ASTN1: variants seen among roughly 807,000 people sequenced by gnomAD.
ASTN1 encodes the protein astrotactin-1.
In ASTN1, 41 loss-of-function variants were observed where a neutral mutation model predicts 140.7. That is an observed-to-expected ratio of 0.29 (90% CI 0.23 to 0.38). The LOEUF (loss-of-function observed/expected upper bound fraction) is 0.38, where lower values mean the gene tolerates loss of function less well. Among genes scored for constraint, ASTN1 ranks in the 10% least tolerant of loss-of-function variants. The pLI, the probability that ASTN1 is intolerant of heterozygous loss-of-function variation, is 1.00. For synonymous variants in ASTN1, 640 were observed against 652.2 expected (o/e 0.98, Z 0.29); for missense variants, 1,479 against 1,678.8 (o/e 0.88, Z 2.08).
At position 176,876,540 on chromosome 1, in the gene ASTN1, G is replaced by C; in HGVS notation, c.3460C>G (p.Gln1154Glu). Reference sequence around the variant, plus strand: ...TGCTAACTTCGATGTCTCTTACCTTGAGCCTTGACATCATCCACCACGGGG... The same window carrying C: ...TGCTAACTTCGATGTCTCTTACCTTCAGCCTTGACATCATCCACCACGGGG... Reference protein sequence around the residue: ...PCPVVDDVKAQEIADKIYNLF... With the variant: ...PCPVVDDVKAEEIADKIYNLF... The change falls in exon 21 of 23, where the codon CAA (glutamine) becomes GAA (glutamate). Residue 1154 changes from glutamine (Q) to glutamate (E), a missense_variant. Physicochemically the swap from Gln to Glu is conservative, Grantham distance 29. Around this residue, in one of 3 missense-constraint regions of ASTN1, gnomAD observed 746 missense variants for 800.9 expected, o/e 0.93. Transcript: ENST00000361833. 1 of 1,614,146 alleles carries C rather than the reference G, an allele frequency of 6.2e-7. No homozygotes were observed. Among genetic ancestry groups the C allele is most frequent in the South Asian group, 1.1e-5 (1 of 91,086 alleles).
chr1:177,038,880 A>G (rs1676850295), intron 2 of ASTN1, among the ~76,000 whole-genome samples: 2 of 152,234 alleles, frequency 1.3e-5, no homozygotes. Flanking sequence ...CTGGCCCATC[A>G]TTACTTCTCT....
chr1:177,086,706 TTATA>T (rs1161641925), intron 1 of ASTN1, among the ~76,000 whole-genome samples: 1 of 152,182 alleles, frequency 6.6e-6, no homozygotes, highest in African/African-American at 2.4e-5. Context: ...TAAAAAGAAA[TTATA>T]TATGCATAGA....
intron 14 of ASTN1, among the ~76,000 whole-genome samples, chr1:176,939,277 C>T (rs886390011): frequency 2.0e-5 from 3 of 152,096 alleles, no homozygotes; most frequent in Admixed American, 6.5e-5. Context: ...ATAACTTCCT[C>T]GGCTTTTAAG....
In ASTN1 at chr1:177,148,124, T is replaced by A. The variant is rs145272501; in HGVS notation, c.283+16270A>T. ...CTTTTTGTTGAATTTTGTCTTACAA[T>A]CGAAAATTTTCAGGCCGGGTGTGGT... On this transcript the variant is annotated intron_variant, in intron 1 of 22. Transcript: ENST00000361833. Among the ~76,000 whole-genome samples the A allele has an allele frequency of 3.0e-3, 455 of 152,202 alleles. 2 individuals carry two copies. The highest frequency in any genetic ancestry group is 0.011 in the African/African-American group (438 of 41,548).
chr1:177,136,434 C>A (rs957161627), intron 1 of ASTN1, among the ~76,000 whole-genome samples: 1 of 151,268 alleles, frequency 6.6e-6, no homozygotes, highest in Non-Finnish European at 1.5e-5. Context: ...CTCACCGCAA[C>A]TTCCACCTCC....
intron 1 of ASTN1, among the ~76,000 whole-genome samples, chr1:177,071,976 C>A (rs143652432): frequency 1.3e-3 from 193 of 152,268 alleles, no homozygotes; most frequent in African/African-American, 4.5e-3. Flanking sequence ...TCTCTTCATT[C>A]ATCATTTCTG....
intron 8 of ASTN1, among the ~76,000 whole-genome samples, chr1:176,985,755 C>T (rs560546382): frequency 2.1e-3 from 320 of 151,710 alleles, no homozygotes; most frequent in African/African-American, 7.4e-3. Flanking sequence ...GGTATTGAAC[C>T]CTGTTCTCCA....
intron 16 of ASTN1, among the ~76,000 whole-genome samples, chr1:176,917,773 C>T (rs1016805651): frequency 6.6e-6 from 1 of 152,130 alleles, no homozygotes; most frequent in Admixed American, 6.5e-5. Flanking sequence ...ACAGCACACT[C>T]ACCTTGGAGA....
chr1:177,138,633 G>A (rs1353934778), intron 1 of ASTN1, among the ~76,000 whole-genome samples: 1 of 152,138 alleles, frequency 6.6e-6, no homozygotes, highest in Non-Finnish European at 1.5e-5. Flanking sequence ...TAATGTACCC[G>A]GACAGCTCTG....
At position 176,994,369 on chromosome 1, in the gene ASTN1, C is replaced by CT. The variant is rs34481279; in HGVS notation, c.1523+20421dup. ...TCACTCTTGCTGACTTGGAATTATA[C>CT]TTTTTTTTTTGAGCTGTTTCCCAGA... is the stretch of plus-strand genomic sequence containing the variant. On this transcript the variant is annotated intron_variant, in intron 8 of 22. Transcript: ENST00000361833. 9.3e-4 allele frequency among the ~76,000 whole-genome samples: 140 copies of CT among 149,822 alleles called. 1 individual carries two copies. In the Middle Eastern group the frequency reaches 0.01, roughly 11 times the overall value.
chr1:177,162,224 C>T (rs1374905535), intron 1 of ASTN1, among the ~76,000 whole-genome samples: 2 of 152,232 alleles, frequency 1.3e-5, no homozygotes, highest in Non-Finnish European at 2.9e-5. Flanking sequence ...ACTCCTCTTC[C>T]TTTCTGCCCA....
chr1:177,111,619 C>T (rs1323285103), intron 1 of ASTN1, among the ~76,000 whole-genome samples: 1 of 152,140 alleles, frequency 6.6e-6, no homozygotes, highest in East Asian at 1.9e-4. Flanking sequence ...TTGATTATTG[C>T]TCTAAATGAT....
chr1:177,112,014 T>G (rs1680844831), intron 1 of ASTN1, among the ~76,000 whole-genome samples: 1 of 152,122 alleles, frequency 6.6e-6, no homozygotes, highest in African/African-American at 2.4e-5. Flanking sequence ...CATTTCACAC[T>G]CCTTTTCCCC....
At chr1:176,906,861 GA>G (rs1316882200) in intron 16 of ASTN1, among the ~76,000 whole-genome samples, 2,846 of 145,552 alleles carry the variant, frequency 0.02, 89 homozygotes, top group African/African-American at 0.069. Flanking sequence ...AAAAAAAAAA[GA>G]AAAAAATATT....
intron 16 of ASTN1, 79 bp downstream of exon 16, chr1:176,934,073 A>T: frequency 7.2e-7 from 1 of 1,386,826 alleles, no homozygotes; most frequent in Non-Finnish European, 9.8e-7. Flanking sequence ...CAGACTCCTT[A>T]AAATGGGTCT....
chr1:176,932,754 C>T (rs1184209571), intron 16 of ASTN1, among the ~76,000 whole-genome samples: 1 of 152,204 alleles, frequency 6.6e-6, no homozygotes, highest in African/African-American at 2.4e-5. Context: ...ACCTTAAGGA[C>T]ACTGCATTGC....
At chr1:176,966,575 T>G (rs10798489) in intron 8 of ASTN1, among the ~76,000 whole-genome samples, 1 of 152,192 alleles carries the variant, frequency 6.6e-6, no homozygotes, top group Non-Finnish European at 1.5e-5. Context: ...GTGAATTTTC[T>G]AGGTCCATAA....
At chr1:177,092,506 C>T (rs13376249) in intron 1 of ASTN1, among the ~76,000 whole-genome samples, 4,583 of 152,200 alleles carry the variant, frequency 0.03, 112 homozygotes, top group East Asian at 0.1. Flanking sequence ...CAAACTTTGA[C>T]GAAGTCAAAT....
chr1:177,034,778 G>C (rs376546718), intron 2 of ASTN1, among the ~76,000 whole-genome samples: 1 of 152,170 alleles, frequency 6.6e-6, no homozygotes, highest in Non-Finnish European at 1.5e-5. Context: ...AGGTAATTAA[G>C]CCACACAGAA....
Sources: gnomAD v4.1 joint callset for allele counts (sites outside exome capture counted in the v4.1 genomes callset) on GRCh38, gnomAD v4.1.1 for gene constraint, gnomAD v4.1.1 regional missense constraint, MANE v1.5 for transcripts, NCBI Gene and HGNC (gene_info 2026-07-23, HGNC 2026-07-21) for gene names.